FANCM: variants seen among roughly 807,000 people sequenced by gnomAD.
The protein encoded by FANCM is Fanconi anemia group M protein.
Under a neutral mutation model 199.5 loss-of-function variants are expected in FANCM, and 140 were observed. The ratio of observed to expected loss-of-function variants is 0.70; its 90% CI spans 0.61 to 0.81. The LOEUF is 0.81. FANCM is among the 30% of genes least tolerant of loss of function. The probability of loss-of-function intolerance (pLI) is 0.00; values close to 1 mark genes in which losing one functional copy is unlikely to be tolerated. For synonymous variants in FANCM, 840 were observed against 836.8 expected, an observed-to-expected ratio of 1.00 and a Z score of -0.07; for missense variants, 2,410 against 2,421.4, an observed-to-expected ratio of 1.00 and a Z score of 0.10.
In FANCM at chr14:45,153,957, T is replaced by G; in HGVS notation, c.1088T>G (p.Ile363Ser). The change falls in exon 6 of 23, where the codon ATT becomes AGT. Residue 363 changes from isoleucine (I) to serine (S), a missense_variant. Coordinates refer to ENST00000267430, the MANE Select transcript of FANCM (RefSeq NM_020937.4). ...GGCATAATCGAGGGAGAGTTTGCTA[T>G]TTGTATTAGTTTATATCATGGTTAT... is the stretch of plus-strand genomic sequence containing the variant. ...QQGIIEGEFA[I>S]CISLYHGYEL... is the part of the protein sequence containing the mutation. The G allele has an allele frequency of 6.2e-7, 1 of 1,603,546 alleles. No individual in the cohort carries two copies. The highest frequency in any genetic ancestry group is 8.5e-7 in the Non-Finnish European group (1 of 1,170,400).
rs1401424489 is a variant in FANCM, at chr14:45,175,538, G to A, written c.2784G>A (p.Gln928=). The A allele has an allele frequency of 1.9e-6, 3 of 1,612,880 alleles. No individual in the cohort carries two copies. Among genetic ancestry groups the A allele is most frequent in the Non-Finnish European group, 2.5e-6 (3 of 1,179,196 alleles). Reference sequence around the variant, plus strand: ...CGTGTGTGTTATTAACAGAGTGTCAGTTTACAAATAAATCCACTAGTTCAC... The same window carrying A: ...CGTGTGTGTTATTAACAGAGTGTCAATTTACAAATAAATCCACTAGTTCAC... ...KEPCVLLTEC[Q]FTNKSTSSLA... is the part of the protein sequence containing the mutation. Residue 928 remains glutamine (Q), a synonymous_variant, in exon 14 of 23, where the codon CAG becomes CAA. Coordinates refer to ENST00000267430, the MANE Select transcript of FANCM (RefSeq NM_020937.4).
chr14:45,198,068 T>C (rs774857855), intron 21 of FANCM, among the ~76,000 whole-genome samples: 1 of 152,100 alleles, frequency 6.6e-6, no homozygotes, highest in Non-Finnish European at 1.5e-5. Flanking sequence ...GCCTTCTTTT[T>C]AATTTGAAAA....
rs2139284475 is a variant in FANCM, at chr14:45,185,391, C to T, written c.4672+18C>T. On this transcript the variant is annotated intron_variant, in intron 18 of 22. Transcript: ENST00000267430. ...TATAAATGGTAAATGTTATAATGAT[C>T]CTTAAAATTTTTTTCAATGTTTTTA... is the stretch of plus-strand genomic sequence containing the variant. 1 of 1,485,028 alleles carries T rather than the reference C, an allele frequency of 6.7e-7. No individual in the cohort carries two copies. The highest frequency in any genetic ancestry group is 9.2e-7 in the Non-Finnish European group (1 of 1,088,430). 92.0% of individuals were successfully genotyped at this position (1,485,028 alleles called of 1,614,324 possible). A position where few individuals can be genotyped will look rare whatever the true frequency, so the allele number is the denominator to read the frequency against.
At chr14:45,166,294 G>A (rs987652340) in intron 10 of FANCM, among the ~76,000 whole-genome samples, 1 of 151,898 alleles carries the variant, frequency 6.6e-6, no homozygotes, top group African/African-American at 2.4e-5. Context: ...ACCATGCCCG[G>A]CTAATTTTTT....
chr14:45,143,968 A>G (rs545117232), intron 3 of FANCM, among the ~76,000 whole-genome samples: 1 of 152,210 alleles, frequency 6.6e-6, no homozygotes, highest in Admixed American at 6.5e-5. Context: ...CTGGGATTAC[A>G]GGCGTGAGCC....
chr14:45,156,816 G>T (rs1018684102), intron 8 of FANCM, among the ~76,000 whole-genome samples: 1 of 151,506 alleles, frequency 6.6e-6, no homozygotes, highest in African/African-American at 2.4e-5. Flanking sequence ...TACTCGGGAG[G>T]CTGAGGCAGG....
At chr14:45,188,602 T>C (rs558966264) in intron 19 of FANCM, among the ~76,000 whole-genome samples, 200 bp from the exon 20 acceptor site, 55 of 152,182 alleles carry the variant, frequency 3.6e-4, no homozygotes, top group Non-Finnish European at 6.8e-4. Flanking sequence ...TTCTAGACGG[T>C]AAATCATTCT....
chr14:45,192,798 C>G (rs1420964462), intron 20 of FANCM, among the ~76,000 whole-genome samples: 2 of 151,694 alleles, frequency 1.3e-5, no homozygotes, highest in Admixed American at 1.3e-4. Flanking sequence ...CACTGCACTT[C>G]AGCCTGGGCA....
chr14:45,175,351 T>C lies in FANCM; in HGVS notation c.2597T>C (p.Leu866Pro). 6.4e-7 allele frequency: 1 copy of C among 1,560,472 alleles called. No individual in the cohort carries two copies. The highest frequency in any genetic ancestry group is 8.7e-7 in the Non-Finnish European group (1 of 1,152,090). ...KVSKEIKKDQ[L>P]KKENNHGIID... ...TCTAAAGAAATAAAAAAAGATCAGCTTAAAAAAGAAAATAATCACGGTATT... is the reference window on the plus strand; with the variant it reads ...TCTAAAGAAATAAAAAAAGATCAGCCTAAAAAAGAAAATAATCACGGTATT... Residue 866 changes from leucine (L) to proline (P), a missense_variant, in exon 14 of 23, where the codon CTT (leucine) becomes CCT (proline). By Grantham distance (98) the Leu-to-Pro change is moderately conservative. Transcript: ENST00000267430.
At chr14:45,151,158 G>A (rs943086398) in intron 4 of FANCM, among the ~76,000 whole-genome samples, 15 of 152,106 alleles carry the variant, frequency 9.9e-5, no homozygotes, top group Admixed American at 5.2e-4. Context: ...ACAGATAAAC[G>A]AATGTGTTGT....
At chr14:45,185,564 T>C (rs945589611) in intron 18 of FANCM, among the ~76,000 whole-genome samples, 191 bp downstream of exon 18, 1 of 152,200 alleles carries the variant, frequency 6.6e-6, no homozygotes, top group Admixed American at 6.5e-5. Context: ...TTCATAGGCT[T>C]CTGCTAATTT....
At chr14:45,181,851 TTC>T in intron 16 of FANCM, 146 bp downstream of exon 16, 1 of 634,358 alleles carries the variant, frequency 1.6e-6, no homozygotes, top group Non-Finnish European at 2.8e-6. Context: ...AATTTCTAGC[TTC>T]TGTTAGTTTT....
chr14:45,175,856 C>G lies in FANCM; in HGVS notation c.3102C>G (p.Cys1034Trp), dbSNP rs370254286. 17 of 1,613,770 alleles carry G rather than the reference C, an allele frequency of 1.1e-5. No homozygotes were observed. In the African/African-American group the frequency reaches 2.1e-4, roughly 20 times the overall value. ...PCAEHLRSDKCTCLLSHSAVN... is the reference protein window; with the variant it reads ...PCAEHLRSDKWTCLLSHSAVN... ...CAGAGCATTTACGAAGTGATAAATG[C>G]ACCTGTTTGCTGTCACATTCAGCTG... The change falls in exon 14 of 23, where the codon TGC (cysteine) becomes TGG (tryptophan). Residue 1034 changes from cysteine (C) to tryptophan (W), a missense_variant. Physicochemically the swap from Cys to Trp is radical, Grantham distance 215. Transcript: ENST00000267430.
intron 5 of FANCM, among the ~76,000 whole-genome samples, chr14:45,153,082 A>G (rs1433860682): frequency 6.6e-6 from 1 of 152,202 alleles, no homozygotes; most frequent in Non-Finnish European, 1.5e-5. Context: ...AGAAAACAGT[A>G]GTCTTCATCT....
Position 45,154,838 on chromosome 14 carries a change from T to C in FANCM, c.1309+16T>C, listed in dbSNP as rs778537221. 6.2e-7 allele frequency: 1 copy of C among 1,603,554 alleles called. No individual in the cohort carries two copies. The highest frequency in any genetic ancestry group is 1.1e-5 in the South Asian group (1 of 90,086). On this transcript the variant is annotated intron_variant, in intron 7 of 22. Coordinates refer to ENST00000267430, the MANE Select transcript of FANCM (RefSeq NM_020937.4). ...ATCCAACAAGGTCTGGTTTTTCTTT[T>C]AAAATTATGTATTGTGTTGTGTTTC...
chr14:45,147,174 G>A (rs1177499783), intron 3 of FANCM, among the ~76,000 whole-genome samples: 2 of 152,062 alleles, frequency 1.3e-5, no homozygotes, highest in African/African-American at 2.4e-5. Context: ...CGTATAGGCC[G>A]CCAGTGATTA....
chr14:45,147,566 G>C (rs1391883308), intron 3 of FANCM, among the ~76,000 whole-genome samples: 2 of 152,024 alleles, frequency 1.3e-5, no homozygotes, highest in Non-Finnish European at 2.9e-5. Flanking sequence ...TACACCCTTA[G>C]GCGTGAGCTG....
At chr14:45,138,504 C>G (rs1351338494) in intron 2 of FANCM, among the ~76,000 whole-genome samples, 1 of 151,896 alleles carries the variant, frequency 6.6e-6, no homozygotes, top group African/African-American at 2.4e-5. Flanking sequence ...TAATACATAG[C>G]ATGTTAAAAA....
At chr14:45,197,470 GTT>G (rs11362125) in intron 21 of FANCM, among the ~76,000 whole-genome samples, 1 of 141,606 alleles carries the variant, frequency 7.1e-6, no homozygotes, top group Non-Finnish European at 1.5e-5. Flanking sequence ...TTTTTTTTTT[GTT>G]TTTTTTTTTT....
Sources: allele counts gnomAD v4.1 joint callset (sites outside exome capture counted in the v4.1 genomes callset), GRCh38; gene constraint gnomAD v4.1.1; transcripts MANE v1.5; gene names NCBI Gene and HGNC (gene_info 2026-07-23, HGNC 2026-07-21).